The following COL8A1 variants were observed in gnomAD, a reference collection of about 807,000 sequenced individuals.
COL8A1 encodes the protein collagen alpha-1(VIII) chain.
In COL8A1, 21 loss-of-function variants were observed where a neutral mutation model predicts 42.7. The ratio of observed to expected loss-of-function variants is 0.49; its 90% confidence interval spans 0.35 to 0.71. The LOEUF is 0.71. Ranked by LOEUF, COL8A1 falls within the 30% of genes least tolerant of loss-of-function variation. The probability of loss-of-function intolerance (pLI) is 0.01; values close to 1 mark genes in which losing one functional copy is unlikely to be tolerated. For synonymous variants in COL8A1, 367 were observed against 369.1 expected, an observed-to-expected ratio of 0.99 and a Z score of 0.06; for missense variants, 788 against 962.4, an observed-to-expected ratio of 0.82 and a Z score of 2.40.
chr3:99,728,492 A>T lies in COL8A1; in HGVS notation c.-128-16405A>T, dbSNP rs116497415. On this transcript the variant is annotated intron_variant, in intron 1 of 3. Transcript: ENST00000652472. Reference sequence around the variant, plus strand: ...ATTTATTTTAAAGTTACATAAAATGATTTTACAGAGCATCATTTTAATGAT... The same window carrying T: ...ATTTATTTTAAAGTTACATAAAATGTTTTTACAGAGCATCATTTTAATGAT... Among the ~76,000 whole-genome samples, 871 of 152,178 alleles carry T rather than the reference A, an allele frequency of 5.7e-3. 11 individuals carry two copies. Among genetic ancestry groups the T allele is most frequent in the African/African-American group, 0.016 (670 of 41,536 alleles).
At chr3:99,792,973 A>G (rs1413285650) in intron 3 of COL8A1, among the ~76,000 whole-genome samples, 4 of 152,194 alleles carry the variant, frequency 2.6e-5, no homozygotes, top group African/African-American at 9.7e-5. Flanking sequence ...GCATAAGAGG[A>G]AATATCTTGG....
chr3:99,769,598 T>C (rs1334003334), intron 2 of COL8A1, among the ~76,000 whole-genome samples: 1 of 152,174 alleles, frequency 6.6e-6, no homozygotes, highest in Admixed American at 6.5e-5. Flanking sequence ...TCTTTACCCA[T>C]TGTAAGTTTC....
chr3:99,711,273 A>G (rs560630540), intron 1 of COL8A1, among the ~76,000 whole-genome samples: 11 of 152,262 alleles, frequency 7.2e-5, no homozygotes, highest in Non-Finnish European at 1.5e-4. Context: ...AAGCCCCCCA[A>G]AAGGTGATCG....
chr3:99,777,385 C>T (rs1941713898), intron 2 of COL8A1, among the ~76,000 whole-genome samples: 1 of 152,098 alleles, frequency 6.6e-6, no homozygotes, highest in South Asian at 2.1e-4. Context: ...CTGTGAGATT[C>T]AGATGGATGA....
intron 1 of COL8A1, among the ~76,000 whole-genome samples, chr3:99,721,938 T>G (rs1940169430): frequency 6.6e-6 from 1 of 151,942 alleles, no homozygotes. Context: ...CCTTTTCTGC[T>G]TAATTCAAAG....
intron 2 of COL8A1, among the ~76,000 whole-genome samples, chr3:99,755,132 T>C (rs1241069839): frequency 6.6e-6 from 1 of 152,084 alleles, no homozygotes; most frequent in African/African-American, 2.4e-5. Context: ...GAAATAAAGA[T>C]ATTGACACAC....
chr3:99,645,448 A>G (rs1937624120), intron 1 of COL8A1, among the ~76,000 whole-genome samples: 1 of 152,194 alleles, frequency 6.6e-6, no homozygotes, highest in African/African-American at 2.4e-5. Flanking sequence ...CCACAGTTCT[A>G]GTTTAAGGAC....
At chr3:99,708,701 A>C (rs1342303265) in intron 1 of COL8A1, among the ~76,000 whole-genome samples, 2 of 152,062 alleles carry the variant, frequency 1.3e-5, no homozygotes, top group Admixed American at 6.6e-5. Flanking sequence ...ACCTGTTGAC[A>C]CCTCACAGCA....
At chr3:99,649,593 A>G (rs1937773068) in intron 1 of COL8A1, among the ~76,000 whole-genome samples, 1 of 152,152 alleles carries the variant, frequency 6.6e-6, no homozygotes, top group Admixed American at 6.5e-5. Flanking sequence ...CATCTTAGAA[A>G]GAATAAAAGT....
At chr3:99,639,777 A>G (rs1937469427) in intron 1 of COL8A1, among the ~76,000 whole-genome samples, 1 of 152,218 alleles carries the variant, frequency 6.6e-6, no homozygotes. Context: ...ACCCTCTTCA[A>G]ATGTTTCCTC....
intron 1 of COL8A1, chr3:99,703,714 C>T (rs554980817): frequency 6.6e-6 from 1 of 152,292 alleles, no homozygotes; most frequent in East Asian, 1.9e-4. Flanking sequence ...GGAAGAGGGC[C>T]TTGCACATTT....
intron 1 of COL8A1, among the ~76,000 whole-genome samples, chr3:99,737,175 A>G (rs1432657330): frequency 1.3e-5 from 2 of 151,722 alleles, no homozygotes; most frequent in Non-Finnish European, 2.9e-5. Flanking sequence ...ATGCGACTTG[A>G]CTCTTTATCC....
intron 2 of COL8A1, among the ~76,000 whole-genome samples, chr3:99,776,688 G>T (rs1046366883): frequency 6.6e-6 from 1 of 152,192 alleles, no homozygotes; most frequent in Non-Finnish European, 1.5e-5. Flanking sequence ...TATTAAGAAA[G>T]TAAAGGAATA....
At chr3:99,735,006 C>G (rs1940658820) in intron 1 of COL8A1, among the ~76,000 whole-genome samples, 2 of 151,800 alleles carry the variant, frequency 1.3e-5, no homozygotes, top group Non-Finnish European at 2.9e-5. Flanking sequence ...ATTTTGTATC[C>G]TGAGACTTTG....
chr3:99,685,132 TA>T (rs1235721089), intron 1 of COL8A1, among the ~76,000 whole-genome samples: 2 of 152,190 alleles, frequency 1.3e-5, no homozygotes, highest in African/African-American at 4.8e-5. Flanking sequence ...ATCAACCAAC[TA>T]AAATGAAAGC....
intron 1 of COL8A1, among the ~76,000 whole-genome samples, chr3:99,688,704 A>T (rs1001053808): frequency 3.3e-5 from 5 of 152,180 alleles, no homozygotes; most frequent in African/African-American, 1.2e-4. Context: ...TCTGAAGGAA[A>T]ATAATGCATT....
intron 2 of COL8A1, among the ~76,000 whole-genome samples, chr3:99,783,933 G>A (rs1033218762): frequency 7.9e-5 from 12 of 152,178 alleles, no homozygotes; most frequent in African/African-American, 2.9e-4. Flanking sequence ...AACTATATCA[G>A]GCTCCATCTC....
intron 1 of COL8A1, among the ~76,000 whole-genome samples, chr3:99,650,901 A>C (rs928399278): frequency 1.6e-4 from 24 of 152,336 alleles, no homozygotes; most frequent in Non-Finnish European, 1.6e-4. Flanking sequence ...AAAATTGAAT[A>C]AGATATGCTT....
intron 1 of COL8A1, among the ~76,000 whole-genome samples, chr3:99,737,356 C>T (rs1312559649): frequency 1.4e-4 from 21 of 151,896 alleles, no homozygotes; most frequent in Admixed American, 3.9e-4. Flanking sequence ...GATTTTGCAG[C>T]GGCTGGTACC....
Sources: allele counts gnomAD v4.1 joint callset (sites outside exome capture counted in the v4.1 genomes callset), GRCh38; gene constraint gnomAD v4.1.1; transcripts MANE v1.5; gene names NCBI Gene and HGNC (gene_info 2026-07-23, HGNC 2026-07-21).